PARN: variants seen among roughly 807,000 people sequenced by gnomAD.
The protein encoded by PARN is poly(A)-specific ribonuclease PARN.
Under a neutral mutation model 102.8 loss-of-function variants are expected in PARN, and 71 were observed. The observed-to-expected ratio is 0.69, with a 90% CI of 0.57 to 0.84. PARN has a LOEUF of 0.84. Among genes scored for constraint, PARN ranks in the 40% least tolerant of loss-of-function variants. The probability of loss-of-function intolerance (pLI) is 0.00; values close to 1 mark genes in which losing one functional copy is unlikely to be tolerated. For synonymous variants in PARN, 261 were observed against 252.9 expected, an observed-to-expected ratio of 1.03 and a Z score of -0.30; for missense variants, 782 against 760.9, an observed-to-expected ratio of 1.03 and a Z score of -0.33.
At chr16:14,500,844 T>C (rs1964549771) in intron 21 of PARN, among the ~76,000 whole-genome samples, 1 of 152,122 alleles carries the variant, frequency 6.6e-6, no homozygotes, top group South Asian at 2.1e-4. Flanking sequence ...CCCTGTGCCC[T>C]ATGTCAGCTT....
intron 18 of PARN, among the ~76,000 whole-genome samples, chr16:14,566,195 A>T (rs1266406432): frequency 6.6e-6 from 1 of 152,180 alleles, no homozygotes; most frequent in East Asian, 1.9e-4. Context: ...AGTAGATGTT[A>T]TTATATTAAC....
chr16:14,574,942 T>G (rs888812812), intron 18 of PARN, among the ~76,000 whole-genome samples: 2 of 152,104 alleles, frequency 1.3e-5, no homozygotes, highest in African/African-American at 2.4e-5. Flanking sequence ...TGACTAAAAG[T>G]GGCCAAGGTA....
At chr16:14,462,372 T>C (rs774084671) in intron 22 of PARN, among the ~76,000 whole-genome samples, 4 of 151,584 alleles carry the variant, frequency 2.6e-5, no homozygotes, top group Non-Finnish European at 5.9e-5. Flanking sequence ...GACAAAAACA[T>C]TAGAGGATAA....
At chr16:14,578,130 A>G (rs1393087224) in intron 18 of PARN, among the ~76,000 whole-genome samples, 1 of 147,508 alleles carries the variant, frequency 6.8e-6, no homozygotes, top group East Asian at 2.2e-4. Context: ...GGAGTTTGAG[A>G]CCAGCCTGGC....
chr16:14,587,810 A>C (rs1327156524), intron 13 of PARN, among the ~76,000 whole-genome samples: 2 of 152,268 alleles, frequency 1.3e-5, no homozygotes, highest in African/African-American at 4.8e-5. Flanking sequence ...TAACCCACTT[A>C]CTACTCTACA....
At chr16:14,555,610 C>T (rs1458901345) in intron 19 of PARN, 44 bp downstream of exon 19, 1 of 896,432 alleles carries the variant, frequency 1.1e-6, no homozygotes, top group Non-Finnish European at 1.7e-6. Context: ...CCAGACCACA[C>T]ACTTAAATGC....
At chr16:14,525,593 C>A (rs186868811) in intron 21 of PARN, among the ~76,000 whole-genome samples, 2 of 152,268 alleles carry the variant, frequency 1.3e-5, no homozygotes, top group Admixed American at 1.3e-4. Flanking sequence ...GCCTGTCCCT[C>A]CTGTTCATGG....
At chr16:14,616,932 G>A (rs1971938839) in intron 6 of PARN, among the ~76,000 whole-genome samples, 2 of 152,082 alleles carry the variant, frequency 1.3e-5, no homozygotes, top group South Asian at 4.1e-4. Context: ...CTCCCCACAG[G>A]TGGTGAGTTA....
rs35329440 is a variant in PARN, at chr16:14,593,492, TAAA to T, written c.841-117_841-115del. ...TTGTACTAAACTCGCTTTCCAGACT[TAAA>T]AAAAAAAAAAAAAAAAAAAAAAAAA... On this transcript the variant is annotated intron_variant, in intron 12 of 23. Coordinates refer to ENST00000437198, the MANE Select transcript of PARN (RefSeq NM_002582.4). 45 of 31,792 alleles carry T rather than the reference TAAA, an allele frequency of 1.4e-3. 1 individual carries two copies. The East Asian group carries it at 0.015, about 10-fold the overall frequency. The allele number at this position is 31,792 out of a possible 1,614,324, so 2.0% of individuals were successfully genotyped here. A position where few individuals can be genotyped will look rare whatever the true frequency, so the allele number is the denominator to read the frequency against.
At chr16:14,606,435 G>A in intron 10 of PARN, 49 bp downstream of exon 10, 13 of 1,012,044 alleles carry the variant, frequency 1.3e-5, no homozygotes, top group Non-Finnish European at 1.9e-5. Flanking sequence ...CCCTAACAGT[G>A]TAACAATGGA....
At chr16:14,494,781 C>A (rs372476336) in intron 21 of PARN, among the ~76,000 whole-genome samples, 3 of 152,032 alleles carry the variant, frequency 2.0e-5, no homozygotes, top group Admixed American at 2.0e-4. Context: ...AGAGAAAGGG[C>A]GGTGGCTTGT....
chr16:14,489,081 C>T (rs138891385), intron 21 of PARN, among the ~76,000 whole-genome samples: 5 of 152,094 alleles, frequency 3.3e-5, no homozygotes, highest in East Asian at 1.9e-4. Context: ...CCTCACGCCC[C>T]GCAACACACA....
intron 22 of PARN, among the ~76,000 whole-genome samples, chr16:14,449,081 A>G (rs1170140527): frequency 6.6e-6 from 1 of 152,202 alleles, no homozygotes; most frequent in Non-Finnish European, 1.5e-5. Context: ...CGAAAGGGGA[A>G]GAGGCCTAAA....
In PARN at chr16:14,617,589, C is replaced by A. The variant is rs1972006233; in HGVS notation, c.388+1G>T. ...TAAAGATAGGTTACCCATAATCTTA[C>A]CATTTCGAAAAACTTTATTAAAATC... On this transcript the variant is annotated splice_donor_variant, in intron 6 of 23. Transcript: ENST00000437198. LOFTEE classifies it high-confidence loss of function. The A allele has an allele frequency of 6.8e-7, 1 of 1,477,464 alleles. No individual in the cohort carries two copies. Among genetic ancestry groups the A allele is most frequent in the Non-Finnish European group, 9.5e-7 (1 of 1,055,442 alleles). 91.5% of individuals were successfully genotyped at this position (1,477,464 alleles called of 1,614,324 possible). A position where few individuals can be genotyped will look rare whatever the true frequency, so the allele number is the denominator to read the frequency against.
intron 22 of PARN, among the ~76,000 whole-genome samples, chr16:14,453,767 G>A (rs866709661): frequency 5.9e-5 from 9 of 152,242 alleles, no homozygotes; most frequent in Admixed American, 1.3e-4. Context: ...GTTAGTATTA[G>A]TACTTTATTT....
intron 13 of PARN, among the ~76,000 whole-genome samples, chr16:14,586,914 T>C (rs1261949287): frequency 4.6e-5 from 7 of 152,182 alleles, no homozygotes; most frequent in Non-Finnish European, 1.0e-4. Context: ...CTCCAGAAAA[T>C]TGCTCAAGTG....
intron 22 of PARN, among the ~76,000 whole-genome samples, chr16:14,464,093 C>T (rs1278867924): frequency 2.6e-5 from 4 of 152,050 alleles, no homozygotes; most frequent in African/African-American, 9.7e-5. Flanking sequence ...TCCACCTGCC[C>T]CGGCCTCCCA....
intron 6 of PARN, among the ~76,000 whole-genome samples, chr16:14,616,837 G>A (rs1278550450): frequency 6.6e-5 from 10 of 152,094 alleles, no homozygotes; most frequent in Admixed American, 3.3e-4. Flanking sequence ...AGCTGGAAAA[G>A]AGGGTTTTCA....
intron 5 of PARN, among the ~76,000 whole-genome samples, chr16:14,622,372 G>GA (rs1972363257): frequency 6.6e-6 from 1 of 152,162 alleles, no homozygotes; most frequent in African/African-American, 2.4e-5. Context: ...GTTGACTATA[G>GA]AATTGCTGAT....
Sources: gnomAD v4.1 joint callset for allele counts (sites outside exome capture counted in the v4.1 genomes callset) on GRCh38, gnomAD v4.1.1 for gene constraint, MANE v1.5 for transcripts, NCBI Gene and HGNC (gene_info 2026-07-23, HGNC 2026-07-21) for gene names.